ASIC1: variants seen among roughly 807,000 people sequenced by gnomAD.
The protein encoded by ASIC1 is acid-sensing ion channel 1.
A neutral mutation model predicts 63.4 loss-of-function variants in ASIC1; 21 were observed. The ratio of observed to expected loss-of-function variants is 0.33; its 90% CI spans 0.23 to 0.48. The LOEUF is 0.48. Ranked by LOEUF, ASIC1 falls within the 20% of genes least tolerant of loss-of-function variation. The pLI, the probability that ASIC1 is intolerant of heterozygous loss-of-function variation, is 0.99. For missense variants in ASIC1, 478 were observed against 695.5 expected, an observed-to-expected ratio of 0.69 and a Z score of 3.52; for synonymous variants, 258 against 278.2, an observed-to-expected ratio of 0.93 and a Z score of 0.72.
At position 50,077,276 on chromosome 12, in the gene ASIC1, A is replaced by G; in HGVS notation, c.622A>G (p.Lys208Glu). The change falls in exon 4 of 12, where the codon AAG (lysine) becomes GAG (glutamate). Residue 208 changes from lysine (K) to glutamate (E), a missense_variant. This residue lies in a region of ASIC1 where 290 missense variants were observed against 414.9 expected (regional missense o/e 0.70). Transcript: ENST00000447966. ...NSGRDGRPRL[K>E]TMKGGTGNGL... ...GGGCCGAGATGGGCGGCCGCGGCTG[A>G]AGACCATGAAGGGTGGGACGGGCAA... The G allele has an allele frequency of 6.2e-7, 1 of 1,614,156 alleles. No individual in the cohort carries two copies. Among genetic ancestry groups the G allele is most frequent in the Non-Finnish European group, 8.5e-7 (1 of 1,180,006 alleles).
chr12:50,061,644 G>C (rs1191639978), intron 3 of ASIC1, among the ~76,000 whole-genome samples: 4 of 152,226 alleles, frequency 2.6e-5, no homozygotes, highest in South Asian at 4.1e-4. Flanking sequence ...GGTTTGTAGT[G>C]TTGGATGAGG....
intron 3 of ASIC1, among the ~76,000 whole-genome samples, chr12:50,068,028 C>T (rs989558393): frequency 1.3e-4 from 20 of 152,130 alleles, no homozygotes; most frequent in Non-Finnish European, 2.4e-4. Context: ...CAATGCTACC[C>T]CATAAGAGTT....
At chr12:50,080,798 G>C (rs1950707669) in intron 9 of ASIC1, 1 of 1,384,436 alleles carries the variant, frequency 7.2e-7, no homozygotes, top group South Asian at 1.2e-5. Flanking sequence ...CAGGCCTGTG[G>C]GCATGAGGGA....
Position 50,077,299 on chromosome 12 carries a change from C to G in ASIC1, c.645C>G (p.Gly215=). The G allele has an allele frequency of 6.2e-7, 1 of 1,614,104 alleles. No individual in the cohort carries two copies. The highest frequency in any genetic ancestry group is 1.3e-5 in the African/African-American group (1 of 75,042). The change falls in exon 4 of 12, where the codon GGC becomes GGG. Residue 215 remains glycine, a synonymous_variant. Transcript: ENST00000447966. ...PRLKTMKGGT[G]NGLEIMLDIQ... ...TGAAGACCATGAAGGGTGGGACGGG[C>G]AATGGGCTGGAAATCATGCTGGACA... is the stretch of plus-strand genomic sequence containing the variant.
chr12:50,081,811 C>T lies in ASIC1; in HGVS notation c.*162C>T, dbSNP rs1950723888. 2 of 627,500 alleles carry T rather than the reference C, an allele frequency of 3.2e-6. No homozygotes were observed. The highest frequency in any genetic ancestry group is 5.5e-6 in the Non-Finnish European group (2 of 360,686). The allele number at this position is 627,500 out of a possible 1,614,324, so 38.9% of individuals were successfully genotyped here. A position where few individuals can be genotyped will look rare whatever the true frequency, so the allele number is the denominator to read the frequency against. On this transcript the variant is annotated 3_prime_UTR_variant, in exon 12 of 12. Coordinates refer to ENST00000447966, the MANE Select transcript of ASIC1 (RefSeq NM_001095.4). Reference sequence around the variant, plus strand: ...AGGAGTCTTGACCATAGAGTCCTCTCTCTGCCTCTATCCCATTCTTTTTAC... The same window carrying T: ...AGGAGTCTTGACCATAGAGTCCTCTTTCTGCCTCTATCCCATTCTTTTTAC...
rs1045750149 is a variant in ASIC1 at position 50,074,105 on chromosome 12, C to T, written c.559-3108C>T. 6.5e-7 allele frequency: 1 copy of T among 1,535,558 alleles called. No homozygotes were observed. The highest frequency in any genetic ancestry group is 1.4e-5 in the African/African-American group (1 of 73,028). On this transcript the variant is annotated intron_variant, in intron 3 of 11. Transcript: ENST00000447966. The surrounding 1 kb of genome is among the most constrained non-coding windows in gnomAD (Gnocchi z 4.2). ...AGTGATGACCCCGGGGTGCCCCTCG[C>T]TCCACCGGGCCCTGAGGCCTTCTCT...
At chr12:50,069,655 C>T (rs1480683314) in intron 3 of ASIC1, among the ~76,000 whole-genome samples, 1 of 152,188 alleles carries the variant, frequency 6.6e-6, no homozygotes, top group Non-Finnish European at 1.5e-5. Flanking sequence ...TTCCTTAATT[C>T]CCCAGTCTGG....
intron 3 of ASIC1, among the ~76,000 whole-genome samples, chr12:50,061,662 G>A (rs563528330): frequency 6.6e-6 from 1 of 152,224 alleles, no homozygotes; most frequent in African/African-American, 2.4e-5. Flanking sequence ...AGGGAGAGAA[G>A]TGCTTGGCTC....
intron 4 of ASIC1, 123 bp from the exon 5 acceptor site, chr12:50,077,877 C>T: frequency 7.0e-7 from 1 of 1,438,418 alleles, no homozygotes; most frequent in Non-Finnish European, 9.4e-7. Flanking sequence ...ACCCTATAGA[C>T]TTCCCCCACC....
At chr12:50,071,338 C>T (rs1328621767) in intron 3 of ASIC1, among the ~76,000 whole-genome samples, 1 of 147,740 alleles carries the variant, frequency 6.8e-6, no homozygotes. Context: ...TCAGTCTCGG[C>T]TCACTGCAAG....
In ASIC1 at chr12:50,074,199, T is replaced by C; in HGVS notation, c.559-3014T>C. 1 of 1,526,590 alleles carries C rather than the reference T, an allele frequency of 6.6e-7. No individual in the cohort carries two copies. Among genetic ancestry groups the C allele is most frequent in the Non-Finnish European group, 8.8e-7 (1 of 1,141,810 alleles). The allele number at this position is 1,526,590 out of a possible 1,614,324, so 94.6% of individuals were successfully genotyped here. On this transcript the variant is annotated intron_variant, in intron 3 of 11. Transcript: ENST00000447966. The surrounding 1 kb of genome is among the most constrained non-coding windows in gnomAD (Gnocchi z 4.2). ...ACCGGCTGGAGGACATGCTGCTCTATTGCTCCTACCAAGGGGGACCCTGCG... is the reference window on the plus strand; with the variant it reads ...ACCGGCTGGAGGACATGCTGCTCTACTGCTCCTACCAAGGGGGACCCTGCG...
Position 50,074,330 on chromosome 12 carries a change from G to A in ASIC1, c.559-2883G>A. 7.0e-7 allele frequency: 1 copy of A among 1,426,960 alleles called. No individual in the cohort carries two copies. The highest frequency in any genetic ancestry group is 9.1e-7 in the Non-Finnish European group (1 of 1,094,242). The allele number at this position is 1,426,960 out of a possible 1,614,324, so 88.4% of individuals were successfully genotyped here. A position where few individuals can be genotyped will look rare whatever the true frequency, so the allele number is the denominator to read the frequency against. ...CTGTCACCTCCTGGGGTTGGGGCTG[G>A]GGCTGGGGCTGGGGCTGATGACTGT... On this transcript the variant is annotated intron_variant, in intron 3 of 11. Transcript: ENST00000447966. The surrounding 1 kb of genome is among the most constrained non-coding windows in gnomAD (Gnocchi z 4.2).
intron 3 of ASIC1, among the ~76,000 whole-genome samples, chr12:50,072,492 G>C (rs548921281): frequency 6.6e-6 from 1 of 152,156 alleles, no homozygotes; most frequent in African/African-American, 2.4e-5. Context: ...GACTGAGGCC[G>C]GGAGTCTGCA....
chr12:50,077,148 G>T (rs1428926632), intron 3 of ASIC1, 65 bp from the exon 4 acceptor site: 2 of 1,609,486 alleles, frequency 1.2e-6, no homozygotes, highest in African/African-American at 2.7e-5. Flanking sequence ...GGGTGGCTAG[G>T]AACAGCCCTT....
intron 4 of ASIC1, 122 bp downstream of exon 4, chr12:50,077,485 C>T: frequency 1.5e-6 from 2 of 1,358,014 alleles, no homozygotes; most frequent in Non-Finnish European, 1.0e-6. Flanking sequence ...CCTCCAGCAT[C>T]TCACCATCTC....
In ASIC1 at chr12:50,078,917, T is replaced by C; in HGVS notation, c.995-7T>C. ...CATCCTGCATCATTGTCTTTTCTCC[T>C]CTGTAGGGGATGCCCCATACTGTAC... On this transcript the variant is annotated splice_polypyrimidine_tract_variant and splice_region_variant and intron_variant, in intron 6 of 11. Transcript: ENST00000447966. The surrounding 1 kb of genome is among the most constrained non-coding windows in gnomAD (Gnocchi z 6.0). 6.2e-7 allele frequency: 1 copy of C among 1,613,650 alleles called. No homozygotes were observed. Among genetic ancestry groups the C allele is most frequent in the Non-Finnish European group, 8.5e-7 (1 of 1,179,648 alleles).
In ASIC1 at chr12:50,074,092, G is replaced by A. The variant is rs951404187; in HGVS notation, c.559-3121G>A. 6.4e-5 allele frequency: 98 copies of A among 1,535,338 alleles called. 1 individual carries two copies. In the East Asian group the frequency reaches 7.8e-4, roughly 12 times the overall value. On this transcript the variant is annotated intron_variant, in intron 3 of 11. Coordinates refer to ENST00000447966, the MANE Select transcript of ASIC1 (RefSeq NM_001095.4). This position sits in a 1 kb window ranked among gnomAD's most constrained non-coding sequence, Gnocchi z 4.2. ...GGGACTGGATGAAAGTGATGACCCCGGGGTGCCCCTCGCTCCACCGGGCCC... is the reference window on the plus strand; with the variant it reads ...GGGACTGGATGAAAGTGATGACCCCAGGGTGCCCCTCGCTCCACCGGGCCC...
At chr12:50,071,743 T>A (rs997938167) in intron 3 of ASIC1, among the ~76,000 whole-genome samples, 1 of 152,114 alleles carries the variant, frequency 6.6e-6, no homozygotes, top group Non-Finnish European at 1.5e-5. Context: ...CCTCCCGGGT[T>A]CAAGCGATTC....
chr12:50,077,423 G>T, intron 4 of ASIC1, 60 bp downstream of exon 4: 3 of 1,602,832 alleles, frequency 1.9e-6, no homozygotes, highest in Non-Finnish European at 2.6e-6. Flanking sequence ...TCTGCCAGGG[G>T]ATTCCTGGGC....
Sources: gnomAD v4.1 joint callset for allele counts (sites outside exome capture counted in the v4.1 genomes callset) on GRCh38, gnomAD v4.1.1 for gene constraint, gnomAD v4.1.1 regional missense constraint, Gnocchi (gnomAD v3.1) non-coding constraint, MANE v1.5 for transcripts, NCBI Gene and HGNC (gene_info 2026-07-23, HGNC 2026-07-21) for gene names.